The following NDUFA10 variants were observed in gnomAD, a reference collection of about 807,000 sequenced individuals.
NDUFA10 encodes the protein NADH dehydrogenase [ubiquinone] 1 alpha subcomplex subunit 10, mitochondrial.
Under a neutral mutation model 47.8 loss-of-function variants are expected in NDUFA10, and 40 were observed. The observed-to-expected ratio is 0.84, with a 90% CI of 0.65 to 1.09. The LOEUF (loss-of-function observed/expected upper bound fraction) is 1.09. Ranked by LOEUF, NDUFA10 falls within the 50% of genes least tolerant of loss-of-function variation. NDUFA10 has a pLI of 0.00. For synonymous variants in NDUFA10, 183 were observed against 172.2 expected (o/e 1.06, Z -0.49); for missense variants, 413 against 451.1 (o/e 0.92, Z 0.76).
chr2:239,893,783 C>G (rs1424296107), intron 5 of NDUFA10, among the ~76,000 whole-genome samples: 1 of 152,204 alleles, frequency 6.6e-6, no homozygotes, highest in African/African-American at 2.4e-5. Flanking sequence ...GAGTGGGAAG[C>G]ACGGCAGGGA....
exon 5 of NDUFA10, chr2:239,895,239 C>T (rs1394560739): frequency 2.1e-6 from 1 of 469,200 alleles, no homozygotes; most frequent in African/African-American, 2.0e-5. Context: ...TCTCCACACA[C>T]AGACCATTCT....
At chr2:239,916,276 CAT>C (rs1693878304) in intron 4 of NDUFA10, among the ~76,000 whole-genome samples, 1 of 151,738 alleles carries the variant, frequency 6.6e-6, no homozygotes, top group Admixed American at 6.6e-5. Flanking sequence ...AACACACACA[CAT>C]ACACAGATAC....
At chr2:240,020,741 G>A (rs371419565) in intron 3 of NDUFA10, among the ~76,000 whole-genome samples, 1 of 152,086 alleles carries the variant, frequency 6.6e-6, no homozygotes, top group East Asian at 1.9e-4. Context: ...CAAGATTCAC[G>A]TCTGCCTCGT....
At chr2:239,934,810 C>T (rs950394808) in intron 4 of NDUFA10, among the ~76,000 whole-genome samples, 1 of 152,178 alleles carries the variant, frequency 6.6e-6, no homozygotes, top group Non-Finnish European at 1.5e-5. Flanking sequence ...CTCTGTCCAC[C>T]GCATGGACCA....
chr2:239,907,745 C>A (rs1283945104), intron 4 of NDUFA10, among the ~76,000 whole-genome samples: 2 of 152,260 alleles, frequency 1.3e-5, no homozygotes, highest in East Asian at 3.9e-4. Flanking sequence ...AGTCAGGAAA[C>A]AACAGGTGCT....
At chr2:239,956,570 A>G (rs1394096625), downstream of NDUFA10, among the ~76,000 whole-genome samples, 1 of 152,208 alleles carries the variant, frequency 6.6e-6, no homozygotes, top group Non-Finnish European at 1.5e-5. Flanking sequence ...TTGCTCCTGG[A>G]GTCGGGACGG....
intron 4 of NDUFA10, among the ~76,000 whole-genome samples, chr2:239,948,316 C>T (rs189866580): frequency 6.6e-6 from 1 of 152,328 alleles, no homozygotes; most frequent in Non-Finnish European, 1.5e-5. Flanking sequence ...CCCTCAAGGC[C>T]CTGTTCAGAG....
chr2:239,990,915 A>G (rs1448257820), intron 8 of NDUFA10, among the ~76,000 whole-genome samples: 6 of 152,214 alleles, frequency 3.9e-5, no homozygotes, highest in Non-Finnish European at 8.8e-5. Context: ...GGAAAAAAAA[A>G]CATTAAAATA....
chr2:239,990,371 G>C (rs943870700), intron 8 of NDUFA10, among the ~76,000 whole-genome samples, 189 bp from the exon 9 acceptor site: 1 of 152,220 alleles, frequency 6.6e-6, no homozygotes, highest in Non-Finnish European at 1.5e-5. Context: ...ATCTGGAGCT[G>C]CTTTTTAATA....
In NDUFA10 at chr2:239,960,731, T is replaced by C. The variant is rs1163253272; in HGVS notation, c.*387A>G. On this transcript the variant is annotated 3_prime_UTR_variant, in exon 10 of 10. Coordinates refer to ENST00000252711, the MANE Select transcript of NDUFA10 (RefSeq NM_004544.4). ...TGCCCGCACGCACATAGACGTACGA[T>C]GGGGAAATTCCCATGGAAACACTTT... The C allele has an allele frequency of 5.9e-6, 7 of 1,188,318 alleles. No homozygotes were observed. The highest frequency in any genetic ancestry group is 7.3e-5 in the Admixed American group (2 of 27,344). 73.6% of individuals were successfully genotyped at this position (1,188,318 alleles called of 1,614,324 possible).
chr2:239,968,486 T>C (rs1446387694), intron 9 of NDUFA10, among the ~76,000 whole-genome samples: 8 of 152,220 alleles, frequency 5.3e-5, no homozygotes, highest in East Asian at 1.9e-4. Flanking sequence ...GGCCAAGTAG[T>C]AGTCAACAGT....
chr2:239,953,697 G>C (rs1056763932), downstream of NDUFA10, among the ~76,000 whole-genome samples: 3 of 145,156 alleles, frequency 2.1e-5, no homozygotes, highest in African/African-American at 8.0e-5. Flanking sequence ...AACAGGCACC[G>C]CGAACGTAAG....
chr2:240,022,425 G>T, intron 1 of NDUFA10, 85 bp from the exon 2 acceptor site: 2 of 1,585,672 alleles, frequency 1.3e-6, no homozygotes. Flanking sequence ...AAAATACCAA[G>T]AAACCTCTTA....
chr2:240,014,206 C>G lies in NDUFA10; in HGVS notation c.669+533G>C, dbSNP rs571500203. The G allele has an allele frequency of 1.2e-4, 20 of 170,222 alleles. No homozygotes were observed. The East Asian group carries it at 2.8e-3, about 24-fold the overall frequency. 10.5% of individuals were successfully genotyped at this position (170,222 alleles called of 1,614,324 possible). On this transcript the variant is annotated intron_variant, in intron 5 of 9. Transcript: ENST00000252711. ...AGGGTCACTTCAAAAGGCGTTGCTT[C>G]GAGGCCACCTAATTAAGATCCAATG...
chr2:239,963,942 G>A (rs903836650), intron 9 of NDUFA10, among the ~76,000 whole-genome samples: 35 of 152,318 alleles, frequency 2.3e-4, no homozygotes, highest in African/African-American at 8.4e-4. Context: ...CACTAGCTCT[G>A]CACGAAGACA....
chr2:239,932,485 C>T (rs539778334), intron 4 of NDUFA10, among the ~76,000 whole-genome samples: 3 of 152,272 alleles, frequency 2.0e-5, no homozygotes, highest in South Asian at 2.1e-4. Flanking sequence ...ATTGCTTACA[C>T]GTTTCTTGCT....
intron 4 of NDUFA10, among the ~76,000 whole-genome samples, chr2:239,898,718 T>C (rs1218293517): frequency 6.6e-6 from 1 of 152,246 alleles, no homozygotes; most frequent in Non-Finnish European, 1.5e-5. Flanking sequence ...AAGAGCAAGA[T>C]GCAGGTGTCA....
Position 239,959,180 on chromosome 2 carries a change from C to A in NDUFA10, c.*1938G>T. 2 of 985,432 alleles carry A rather than the reference C, an allele frequency of 2.0e-6. No individual in the cohort carries two copies. Among genetic ancestry groups the A allele is most frequent in the Non-Finnish European group, 2.4e-6 (2 of 829,928 alleles). The allele number at this position is 985,432 out of a possible 1,614,324, so 61.0% of individuals were successfully genotyped here. On this transcript the variant is annotated 3_prime_UTR_variant, in exon 10 of 10. Coordinates refer to ENST00000252711, the MANE Select transcript of NDUFA10 (RefSeq NM_004544.4). ...TTCCCACTCCATCAAGGGAATGCAACCACACAGGGTCAGACGCAAACACAG... is the reference window on the plus strand; with the variant it reads ...TTCCCACTCCATCAAGGGAATGCAAACACACAGGGTCAGACGCAAACACAG...
chr2:240,025,210 C>T lies in NDUFA10; in HGVS notation c.75+17G>A. 6.7e-7 allele frequency: 1 copy of T among 1,483,818 alleles called. No homozygotes were observed. The highest frequency in any genetic ancestry group is 8.9e-7 in the Non-Finnish European group (1 of 1,123,040). 91.9% of individuals were successfully genotyped at this position (1,483,818 alleles called of 1,614,324 possible). ...ACCCTGCCACCCCGCCACCCTGCCA[C>T]CCCGCCGCCCGCTCACCACGCGCTG... On this transcript the variant is annotated intron_variant, in intron 1 of 9. Transcript: ENST00000252711.
Sources: gnomAD v4.1 joint callset for allele counts (sites outside exome capture counted in the v4.1 genomes callset) on GRCh38, gnomAD v4.1.1 for gene constraint, MANE v1.5 for transcripts, NCBI Gene and HGNC (gene_info 2026-07-23, HGNC 2026-07-21) for gene names.